The following MED15 variants were observed in gnomAD, a reference collection of about 807,000 sequenced individuals.
MED15 encodes mediator of RNA polymerase II transcription subunit 15.
In MED15, 41 loss-of-function variants were observed where a neutral mutation model predicts 118.7. The observed-to-expected ratio is 0.35, with a 90% CI of 0.27 to 0.45. The LOEUF (loss-of-function observed/expected upper bound fraction) is 0.45. MED15 is among the 20% of genes least tolerant of loss of function. MED15 has a pLI of 1.00. For synonymous variants in MED15, 436 were observed against 413.9 expected, an observed-to-expected ratio of 1.05 and a Z score of -0.65; for missense variants, 740 against 1,025.5, an observed-to-expected ratio of 0.72 and a Z score of 3.80.
At chr22:20,585,462 C>T in intron 16 of MED15, 195 bp downstream of exon 16, 1 of 778,422 alleles carries the variant, frequency 1.3e-6, no homozygotes, top group Non-Finnish European at 2.0e-6. Context: ...CTGCCAGAGC[C>T]CGCACACTCT....
intron 9 of MED15, 48 bp from the exon 10 acceptor site, chr22:20,582,563 G>A (rs1435212689): frequency 5.9e-6 from 9 of 1,535,134 alleles, no homozygotes; most frequent in Non-Finnish European, 7.9e-6. Flanking sequence ...TGTGGAGGCA[G>A]GCGGGCGGGC....
chr22:20,568,969 T>G (rs2056544139), intron 8 of MED15, among the ~76,000 whole-genome samples: 1 of 152,170 alleles, frequency 6.6e-6, no homozygotes, highest in African/African-American at 2.4e-5. Flanking sequence ...CCTCTCATCT[T>G]CCATTTGAGA....
In MED15 at chr22:20,582,606, T is replaced by TG; in HGVS notation, c.1273-5_1273-4insG. 1 of 1,546,832 alleles carries TG rather than the reference T, an allele frequency of 6.5e-7. No individual in the cohort carries two copies. The highest frequency in any genetic ancestry group is 8.7e-7 in the Non-Finnish European group (1 of 1,152,064). On this transcript the variant is annotated splice_region_variant and splice_polypyrimidine_tract_variant and intron_variant, in intron 9 of 17. Transcript: ENST00000263205. Reference sequence around the variant, plus strand: ...AGCGCGCCGGCTGAGCCCCTCCACTTCCAGGTCAGCCAGAGCAGCCTCCCC... The same window carrying TG: ...AGCGCGCCGGCTGAGCCCCTCCACTTGCCAGGTCAGCCAGAGCAGCCTCCCC...
At chr22:20,535,783 TCGCCTGACCTCGTGATCTGCC>T (rs1260027536) in intron 1 of MED15, among the ~76,000 whole-genome samples, 1 of 151,896 alleles carries the variant, frequency 6.6e-6, no homozygotes, top group Non-Finnish European at 1.5e-5. Flanking sequence ...ATGGTCGTGC[TCGCCTGACCTCGTGATCTGCC>T]CGCCTTGGCC....
chr22:20,529,665 T>C (rs952612960), intron 1 of MED15, among the ~76,000 whole-genome samples: 1 of 152,200 alleles, frequency 6.6e-6, no homozygotes, highest in East Asian at 1.9e-4. Flanking sequence ...AGTGGTGGGA[T>C]CTTGGCTCAT....
At chr22:20,535,601 C>T (rs902695142) in intron 1 of MED15, among the ~76,000 whole-genome samples, 1 of 151,654 alleles carries the variant, frequency 6.6e-6, no homozygotes, top group African/African-American at 2.4e-5. Context: ...GCACTGTTGC[C>T]CAGGCTGAAG....
intron 1 of MED15, among the ~76,000 whole-genome samples, chr22:20,520,810 T>C (rs1408516811): frequency 6.6e-6 from 1 of 152,148 alleles, no homozygotes; most frequent in Non-Finnish European, 1.5e-5. Flanking sequence ...CAATCTCGGC[T>C]AACTGCAGTC....
At chr22:20,559,173 A>G (rs1217477949) in intron 5 of MED15, among the ~76,000 whole-genome samples, 1 of 152,160 alleles carries the variant, frequency 6.6e-6, no homozygotes, top group South Asian at 2.1e-4. Context: ...ATAGAAAACA[A>G]AAAGGAAAAG....
intron 9 of MED15, 41 bp downstream of exon 9, chr22:20,575,273 G>A: frequency 1.2e-6 from 2 of 1,604,820 alleles, no homozygotes; most frequent in Non-Finnish European, 1.7e-6. Flanking sequence ...TGGGAGCTCG[G>A]GGCGTCCTCT....
At chr22:20,583,669 C>T (rs2057054650) in intron 13 of MED15, 2 of 463,850 alleles carry the variant, frequency 4.3e-6, no homozygotes, top group Admixed American at 6.7e-5. Flanking sequence ...GCCAGGGGCC[C>T]AGCTTGCAGT....
intron 8 of MED15, among the ~76,000 whole-genome samples, chr22:20,570,742 C>CTT (rs2040762086): frequency 1.2e-5 from 1 of 81,220 alleles, no homozygotes; most frequent in Admixed American, 1.5e-4. Flanking sequence ...TTCTTTCTTT[C>CTT]TTTCTTTTTT....
intron 8 of MED15, among the ~76,000 whole-genome samples, chr22:20,569,237 C>G (rs2056555913): frequency 6.6e-6 from 1 of 152,154 alleles, no homozygotes; most frequent in Non-Finnish European, 1.5e-5. Context: ...CTCCTAGTGT[C>G]CTGGGATTGG....
chr22:20,550,561 A>C (rs2055727330), intron 2 of MED15, among the ~76,000 whole-genome samples: 1 of 152,220 alleles, frequency 6.6e-6, no homozygotes. Context: ...GTGACTCAGG[A>C]GGAAGGTTGG....
Position 20,507,635 on chromosome 22 carries a change from T to TGGCGGC in MED15, c.-43_-38dup. ...GGCTCTGTGACTGAGGCGGCGGCGGTGGCGGCCAAGCGGGATACGGGCGGC... is the reference window on the plus strand; with the variant it reads ...GGCTCTGTGACTGAGGCGGCGGCGGTGGCGGCGGCGGCCAAGCGGGATACGGGCGGC... On this transcript the variant is annotated 5_prime_UTR_variant, in exon 1 of 18. Coordinates refer to ENST00000263205, the MANE Select transcript of MED15 (RefSeq NM_001003891.3). 3 of 1,612,196 alleles carry TGGCGGC rather than the reference T, an allele frequency of 1.9e-6. No homozygotes were observed. Among genetic ancestry groups the TGGCGGC allele is most frequent in the Non-Finnish European group, 2.5e-6 (3 of 1,178,748 alleles).
At chr22:20,574,914 T>A in intron 8 of MED15, 199 bp from the exon 9 acceptor site, 4 of 699,396 alleles carry the variant, frequency 5.7e-6, no homozygotes, top group Non-Finnish European at 9.8e-6. Flanking sequence ...TCTTCTAGAT[T>A]CCCAATGCCC....
In MED15 at chr22:20,507,769, G is replaced by A. The variant is rs200456373; in HGVS notation, c.68+23G>A. On this transcript the variant is annotated intron_variant, in intron 1 of 17. Transcript: ENST00000263205. ...AATGTGAGTAGTGGTCGGGGCAGGG[G>A]GCTGGATTGTGGGACCTTCCTCCTT... 43 of 1,613,928 alleles carry A rather than the reference G, an allele frequency of 2.7e-5. No homozygotes were observed. In the African/African-American group the frequency reaches 4.4e-4, roughly 16 times the overall value.
rs1245285105 is a variant in MED15 at position 20,507,755 on chromosome 22, T to A, written c.68+9T>A. The A allele has an allele frequency of 6.2e-7, 1 of 1,613,920 alleles. No homozygotes were observed. The highest frequency in any genetic ancestry group is 8.5e-7 in the Non-Finnish European group (1 of 1,179,890). Reference sequence around the variant, plus strand: ...AAGCTGGTCAGTCAAATGTGAGTAGTGGTCGGGGCAGGGGGCTGGATTGTG... The same window carrying A: ...AAGCTGGTCAGTCAAATGTGAGTAGAGGTCGGGGCAGGGGGCTGGATTGTG... On this transcript the variant is annotated intron_variant, in intron 1 of 17. Transcript: ENST00000263205.
intron 1 of MED15, among the ~76,000 whole-genome samples, chr22:20,525,308 A>T (rs755249350): frequency 6.8e-6 from 1 of 148,100 alleles, no homozygotes. Context: ...AAAGGTGAAC[A>T]TGAGTTTTTT....
chr22:20,584,697 A>T, intron 14 of MED15, 158 bp from the exon 15 acceptor site: 1 of 1,010,072 alleles, frequency 9.9e-7, no homozygotes, highest in South Asian at 1.6e-5. Flanking sequence ...GTGGGGGATT[A>T]TTCCCAGGAT....
Sources: gnomAD v4.1 joint callset for allele counts (sites outside exome capture counted in the v4.1 genomes callset) on GRCh38, gnomAD v4.1.1 for gene constraint, MANE v1.5 for transcripts, NCBI Gene and HGNC (gene_info 2026-07-23, HGNC 2026-07-21) for gene names.